The following TBC1D5 variants were observed in gnomAD, a reference collection of about 807,000 sequenced individuals.
TBC1D5 encodes TBC1 domain family member 5.
Under a neutral mutation model 100.3 loss-of-function variants are expected in TBC1D5, and 75 were observed. The observed-to-expected ratio is 0.75, with a 90% CI of 0.62 to 0.91. TBC1D5 has a LOEUF of 0.91. Ranked by LOEUF, TBC1D5 falls within the 40% of genes least tolerant of loss-of-function variation. The pLI is 0.00. For synonymous variants in TBC1D5, 323 were observed against 325.6 expected (o/e 0.99, Z 0.09); for missense variants, 910 against 942.4 (o/e 0.97, Z 0.45).
intron 3 of TBC1D5, among the ~76,000 whole-genome samples, chr3:17,494,219 C>A (rs2095674378): frequency 6.6e-6 from 1 of 152,130 alleles, no homozygotes; most frequent in Non-Finnish European, 1.5e-5. Flanking sequence ...CTGGGTCACC[C>A]CCCAACCCGG....
intron 20 of TBC1D5, among the ~76,000 whole-genome samples, chr3:17,167,253 A>G (rs1328158483): frequency 1.3e-5 from 2 of 152,194 alleles, no homozygotes; most frequent in Non-Finnish European, 2.9e-5. Context: ...CACCTTGGTC[A>G]CTAAAGTGGC....
intron 19 of TBC1D5, among the ~76,000 whole-genome samples, chr3:17,179,974 C>A (rs548162069): frequency 6.6e-6 from 1 of 152,270 alleles, no homozygotes; most frequent in South Asian, 2.1e-4. Flanking sequence ...ATCAGACTAG[C>A]GTAGGTTGCT....
chr3:17,669,936 A>G (rs1298084751), intron 1 of TBC1D5, among the ~76,000 whole-genome samples: 1 of 152,188 alleles, frequency 6.6e-6, no homozygotes, highest in Admixed American at 6.5e-5. Context: ...CCCAGGCTGG[A>G]GTGCAATGGC....
At chr3:17,484,031 C>T (rs989273245) in intron 3 of TBC1D5, among the ~76,000 whole-genome samples, 2 of 152,046 alleles carry the variant, frequency 1.3e-5, no homozygotes, top group African/African-American at 2.4e-5. Context: ...GAGAAAGTGG[C>T]CTCATTAGGT....
intron 1 of TBC1D5, among the ~76,000 whole-genome samples, chr3:17,662,785 A>T (rs77922631): frequency 0.065 from 9,970 of 152,224 alleles, 406 homozygotes; most frequent in Non-Finnish European, 0.091. Flanking sequence ...TAAGGAAAGC[A>T]ATTTAGTGAG....
intron 2 of TBC1D5, among the ~76,000 whole-genome samples, chr3:17,523,852 C>A (rs2096093484): frequency 6.6e-6 from 1 of 151,930 alleles, no homozygotes; most frequent in South Asian, 2.1e-4. Context: ...AGTTTATGGT[C>A]CTCAAATGGA....
intron 13 of TBC1D5, among the ~76,000 whole-genome samples, chr3:17,312,792 A>G (rs769108299): frequency 3.3e-5 from 5 of 152,202 alleles, no homozygotes; most frequent in Non-Finnish European, 7.4e-5. Flanking sequence ...CAACTGTAAC[A>G]TGCCTTTGCA....
intron 1 of TBC1D5, among the ~76,000 whole-genome samples, chr3:17,636,108 G>A (rs1430319933): frequency 1.3e-5 from 2 of 152,026 alleles, no homozygotes; most frequent in East Asian, 1.9e-4. Flanking sequence ...CAGGAGAATC[G>A]CTGGGACCCG....
chr3:17,313,085 C>T (rs2084238583), intron 13 of TBC1D5, among the ~76,000 whole-genome samples: 2 of 152,108 alleles, frequency 1.3e-5, no homozygotes, highest in African/African-American at 4.8e-5. Context: ...TAGTCTAATA[C>T]AGCTATAGTT....
intron 3 of TBC1D5, among the ~76,000 whole-genome samples, chr3:17,480,754 G>A (rs1340434676): frequency 2.0e-5 from 3 of 152,034 alleles, no homozygotes; most frequent in Non-Finnish European, 4.4e-5. Flanking sequence ...TCTGCTGAGA[G>A]CTGGACACTA....
chr3:17,652,290 A>C (rs898144942), intron 1 of TBC1D5, among the ~76,000 whole-genome samples: 2 of 152,174 alleles, frequency 1.3e-5, no homozygotes, highest in Non-Finnish European at 2.9e-5. Context: ...ATAAAATATA[A>C]AGCATTTTTA....
chr3:17,627,195 T>C (rs545753522), intron 1 of TBC1D5, among the ~76,000 whole-genome samples: 39 of 152,254 alleles, frequency 2.6e-4, no homozygotes, highest in Non-Finnish European at 3.1e-4. Flanking sequence ...TAGGAATTCT[T>C]AGATCTAAGA....
intron 17 of TBC1D5, among the ~76,000 whole-genome samples, chr3:17,234,588 G>GTCA (rs1269707116): frequency 2.6e-5 from 4 of 152,114 alleles, no homozygotes; most frequent in Admixed American, 6.6e-5. Context: ...ACTAAGCACA[G>GTCA]TCACTGTCAA....
chr3:17,680,715 A>G (rs562399923), intron 1 of TBC1D5, among the ~76,000 whole-genome samples: 9 of 151,518 alleles, frequency 5.9e-5, no homozygotes, highest in African/African-American at 2.2e-4. Flanking sequence ...TAAGATGGTC[A>G]ATACTGAGAC....
At chr3:17,474,328 C>G (rs1323823700) in intron 3 of TBC1D5, among the ~76,000 whole-genome samples, 2 of 152,100 alleles carry the variant, frequency 1.3e-5, no homozygotes, top group African/African-American at 2.4e-5. Context: ...TCATCATAAG[C>G]TGAGTTTATG....
intron 19 of TBC1D5, among the ~76,000 whole-genome samples, chr3:17,173,700 T>C (rs2067392741): frequency 6.6e-6 from 1 of 152,214 alleles, no homozygotes; most frequent in Non-Finnish European, 1.5e-5. Context: ...ATTCTGTTTT[T>C]TGAGGCTTTC....
chr3:17,308,892 G>C (rs2150568555), intron 13 of TBC1D5, among the ~76,000 whole-genome samples: 1 of 151,944 alleles, frequency 6.6e-6, no homozygotes, highest in Non-Finnish European at 1.5e-5. Context: ...TGACACTTTA[G>C]ACTTTCAATA....
intron 1 of TBC1D5, among the ~76,000 whole-genome samples, chr3:17,626,042 T>C (rs1189332828): frequency 6.6e-6 from 1 of 152,150 alleles, no homozygotes; most frequent in Non-Finnish European, 1.5e-5. Context: ...TACCCAGATA[T>C]ATAGCATTAT....
intron 14 of TBC1D5, among the ~76,000 whole-genome samples, chr3:17,305,822 T>G (rs2083337589): frequency 6.6e-6 from 1 of 152,218 alleles, no homozygotes; most frequent in African/African-American, 2.4e-5. Flanking sequence ...TCTGATCCAC[T>G]GTTTTTCTCC....
Sources: gnomAD v4.1 joint callset for allele counts (sites outside exome capture counted in the v4.1 genomes callset) on GRCh38, gnomAD v4.1.1 for gene constraint, MANE v1.5 for transcripts, NCBI Gene and HGNC (gene_info 2026-07-23, HGNC 2026-07-21) for gene names.